Variants in EPHA6 observed in about 807,000 individuals in gnomAD.
The protein encoded by EPHA6 is EPH receptor A6.
In EPHA6, 50 loss-of-function variants were observed where a neutral mutation model predicts 112.0. The observed-to-expected ratio is 0.45, with a 90% CI of 0.36 to 0.56. EPHA6 has a LOEUF of 0.56. Among genes scored for constraint, EPHA6 ranks in the 20% least tolerant of loss-of-function variants. EPHA6 has a pLI of 0.00. For synonymous variants in EPHA6, 529 were observed against 490.7 expected (o/e 1.08, Z -1.03); for missense variants, 1,280 against 1,417.4 (o/e 0.90, Z 1.56).
At chr3:97,447,158 A>G (rs2090373737) in intron 6 of EPHA6, among the ~76,000 whole-genome samples, 1 of 152,190 alleles carries the variant, frequency 6.6e-6, no homozygotes, top group South Asian at 2.1e-4. Flanking sequence ...TTTAAAAATG[A>G]TCCTTAAGAT....
At chr3:97,178,781 A>G (rs1268937078) in intron 3 of EPHA6, among the ~76,000 whole-genome samples, 1 of 151,980 alleles carries the variant, frequency 6.6e-6, no homozygotes, top group African/African-American at 2.4e-5. Context: ...AACTTTCTTT[A>G]TCTTTGATCT....
At chr3:97,692,303 A>G (rs186178252) in intron 14 of EPHA6, among the ~76,000 whole-genome samples, 1 of 152,250 alleles carries the variant, frequency 6.6e-6, no homozygotes, top group Admixed American at 6.5e-5. Context: ...CTCTAATCTT[A>G]TGTAAGTCTT....
chr3:97,380,796 T>C (rs1204533442), intron 5 of EPHA6, among the ~76,000 whole-genome samples: 1 of 152,158 alleles, frequency 6.6e-6, no homozygotes, highest in East Asian at 1.9e-4. Flanking sequence ...AGTGAAAAAC[T>C]TTTAATTTCC....
At chr3:97,571,852 T>C (rs1291716848) in intron 11 of EPHA6, among the ~76,000 whole-genome samples, 1 of 152,214 alleles carries the variant, frequency 6.6e-6, no homozygotes, top group Non-Finnish European at 1.5e-5. Context: ...TTTATAAACA[T>C]CAAGGTCAAT....
At chr3:96,860,668 G>C (rs2035957223) in intron 1 of EPHA6, among the ~76,000 whole-genome samples, 2 of 152,042 alleles carry the variant, frequency 1.3e-5, no homozygotes, top group African/African-American at 4.8e-5. Flanking sequence ...ATGTTCAATG[G>C]TTTGAGCTAA....
At chr3:96,873,290 G>A (rs543061088) in intron 2 of EPHA6, among the ~76,000 whole-genome samples, 165 of 151,902 alleles carry the variant, frequency 1.1e-3, no homozygotes, top group Non-Finnish European at 1.2e-3. Flanking sequence ...TTATGATTCT[G>A]TGTATCCACC....
At chr3:97,136,305 A>G (rs1161824887) in intron 3 of EPHA6, among the ~76,000 whole-genome samples, 1 of 152,216 alleles carries the variant, frequency 6.6e-6, no homozygotes, top group Non-Finnish European at 1.5e-5. Flanking sequence ...TAAATGAGAG[A>G]TGTAATTTTA....
intron 5 of EPHA6, among the ~76,000 whole-genome samples, chr3:97,344,572 A>G (rs951068757): frequency 6.6e-6 from 1 of 152,170 alleles, no homozygotes; most frequent in South Asian, 2.1e-4. Flanking sequence ...AGATCTGCCA[A>G]TGCCTTGACC....
At chr3:97,703,039 G>C (rs945931435) in intron 14 of EPHA6, among the ~76,000 whole-genome samples, 3 of 152,178 alleles carry the variant, frequency 2.0e-5, no homozygotes, top group Admixed American at 1.3e-4. Context: ...GGGCTCATGA[G>C]AAAGAAAGAT....
intron 5 of EPHA6, among the ~76,000 whole-genome samples, chr3:97,357,808 G>C (rs1366769864): frequency 6.6e-6 from 1 of 152,118 alleles, no homozygotes; most frequent in Non-Finnish European, 1.5e-5. Flanking sequence ...AAGTAAGCTA[G>C]AGAAAACAAA....
chr3:97,325,812 A>C (rs1001186583), intron 5 of EPHA6, among the ~76,000 whole-genome samples: 5 of 152,140 alleles, frequency 3.3e-5, no homozygotes, highest in South Asian at 2.1e-4. Context: ...CGTTAAAACC[A>C]ACTTGCCATC....
At chr3:97,581,058 T>C (rs1177904870) in intron 11 of EPHA6, among the ~76,000 whole-genome samples, 2 of 152,222 alleles carry the variant, frequency 1.3e-5, no homozygotes, top group African/African-American at 4.8e-5. Flanking sequence ...CTCCCTTGTC[T>C]TTCATGCTCA....
At chr3:97,237,166 GT>G (rs1306304200) in intron 4 of EPHA6, among the ~76,000 whole-genome samples, 1 of 146,252 alleles carries the variant, frequency 6.8e-6, no homozygotes, top group Non-Finnish European at 1.5e-5. Flanking sequence ...ACGACAGTTT[GT>G]TTTTTTTGTT....
chr3:97,704,447 C>G (rs953913824), intron 14 of EPHA6, among the ~76,000 whole-genome samples: 1 of 152,274 alleles, frequency 6.6e-6, no homozygotes, highest in South Asian at 2.1e-4. Context: ...GATTCTCAGG[C>G]CTTCAAACTC....
intron 6 of EPHA6, among the ~76,000 whole-genome samples, chr3:97,445,121 A>G: frequency 6.6e-6 from 1 of 152,042 alleles, no homozygotes; most frequent in East Asian, 1.9e-4. Flanking sequence ...AATTGTATGT[A>G]TGTTTTATTT....
At chr3:97,507,805 T>G (rs2092285541) in intron 10 of EPHA6, among the ~76,000 whole-genome samples, 1 of 152,004 alleles carries the variant, frequency 6.6e-6, no homozygotes, top group African/African-American at 2.4e-5. Context: ...GCTTTTTTTT[T>G]GATAGGCTAT....
At chr3:97,021,682 A>C (rs2044466320) in intron 3 of EPHA6, among the ~76,000 whole-genome samples, 1 of 152,178 alleles carries the variant, frequency 6.6e-6, no homozygotes, top group African/African-American at 2.4e-5. Context: ...GTGCTTGTGC[A>C]CTTGTCTCTT....
At chr3:97,480,579 CAGA>C (rs1475272852) in intron 9 of EPHA6, among the ~76,000 whole-genome samples, 2 of 152,204 alleles carry the variant, frequency 1.3e-5, no homozygotes, top group East Asian at 3.9e-4. Flanking sequence ...CATCCCAAGG[CAGA>C]AGAATTTTTC....
chr3:97,699,126 T>A (rs1378910335), intron 14 of EPHA6, among the ~76,000 whole-genome samples: 1 of 152,146 alleles, frequency 6.6e-6, no homozygotes, highest in East Asian at 1.9e-4. Flanking sequence ...CGAGCAGGGT[T>A]CAGAAACACA....
Sources: allele counts gnomAD v4.1 joint callset (sites outside exome capture counted in the v4.1 genomes callset), GRCh38; gene constraint gnomAD v4.1.1; transcripts MANE v1.5; gene names NCBI Gene and HGNC (gene_info 2026-07-23, HGNC 2026-07-21).